NEB: variants seen among roughly 807,000 people sequenced by gnomAD.
NEB encodes the protein nebulin.
Under a neutral mutation model 952.2 loss-of-function variants are expected in NEB, and 512 were observed. The observed-to-expected ratio is 0.54, with a 90% CI of 0.50 to 0.58. The LOEUF (loss-of-function observed/expected upper bound fraction) is 0.58, where lower values mean the gene tolerates loss of function less well. Ranked by LOEUF, NEB falls within the 20% of genes least tolerant of loss-of-function variation. The pLI, the probability that NEB is intolerant of heterozygous loss-of-function variation, is 0.00. For synonymous variants in NEB, 2,900 were observed against 3,149.8 expected (o/e 0.92, Z 2.66); for missense variants, 8,428 against 9,231.1 (o/e 0.91, Z 3.56).
chr2:151,733,199 A>G lies in NEB; in HGVS notation c.-29-14T>C. 1.9e-6 allele frequency: 3 copies of G among 1,542,712 alleles called. No individual in the cohort carries two copies. The highest frequency in any genetic ancestry group is 1.2e-5 in the South Asian group (1 of 84,746). On this transcript the variant is annotated splice_polypyrimidine_tract_variant and intron_variant, in intron 2 of 181. Transcript: ENST00000397345. ...GGCACCTACAAACTTTTCATATTCC[A>G]TACAAATGAAAACATATTAGAGTCT...
At chr2:151,560,777 T>C in intron 123 of NEB, 78 bp from the exon 124 acceptor site, 1 of 1,127,026 alleles carries the variant, frequency 8.9e-7, no homozygotes, top group Non-Finnish European at 1.3e-6. Context: ...TTTCCTTCTG[T>C]GTCTGTCCTT....
Position 151,727,817 on chromosome 2 carries a change from T to A in NEB, c.168A>T (p.Ala56=), listed in dbSNP as rs200297299. The change falls in exon 5 of 182, where the codon GCA becomes GCT. Residue 56 remains alanine (A), a synonymous_variant. Transcript: ENST00000397345. ...GCTTTGCTGATGCTGGCTGTGCCAG[T>A]GCTGGCTGTGCCAGAGCTGGTTTGG... ...ETSKPALAQP[A]LAQPASAKPV... 2.5e-6 allele frequency: 4 copies of A among 1,604,524 alleles called. No individual in the cohort carries two copies. The highest frequency in any genetic ancestry group is 2.2e-5 in the South Asian group (2 of 91,070).
At chr2:151,651,141 T>TCTA (rs1282721260) in intron 52 of NEB, among the ~76,000 whole-genome samples, 8 of 152,174 alleles carry the variant, frequency 5.3e-5, no homozygotes, top group Non-Finnish European at 8.8e-5. Flanking sequence ...AGAAGTGTTG[T>TCTA]CTATGCTAAC....
intron 73 of NEB, 49 bp downstream of exon 73, chr2:151,619,402 C>T (rs76523290): frequency 9.9e-6 from 15 of 1,516,052 alleles, no homozygotes; most frequent in South Asian, 5.2e-5. Context: ...CTCACAGACA[C>T]GTTTCAGATC....
At chr2:151,733,880 A>G (rs2099814858) in intron 1 of NEB, 85 bp from the exon 2 acceptor site, 1 of 152,224 alleles carries the variant, frequency 6.6e-6, no homozygotes, top group Non-Finnish European at 1.5e-5. Context: ...TGCAGAAAAC[A>G]GCGAAAGGAT....
chr2:151,616,765 C>A lies in NEB; in HGVS notation c.11181+599G>T, dbSNP rs767499600. The stretch of plus-strand genomic sequence containing the variant: ...ATATAAAAGACACAGCATCTTAACA[C>A]AAAAGAAGAATAAAAAACAAGGACA... On this transcript the variant is annotated intron_variant, in intron 75 of 181. Coordinates refer to ENST00000397345, the MANE Select transcript of NEB (RefSeq NM_001164508.2). 2.0e-5 allele frequency among the ~76,000 whole-genome samples: 3 copies of A among 152,214 alleles called. No homozygotes were observed. The East Asian group carries it at 5.8e-4, about 29-fold the overall frequency.
chr2:151,677,464 T>C (rs2154209093), intron 34 of NEB, 101 bp downstream of exon 34: 1 of 837,570 alleles, frequency 1.2e-6, no homozygotes, highest in Non-Finnish European at 1.7e-6. Context: ...TAATTTAAAA[T>C]GGAAAGATAT....
At chr2:151,502,737 T>G (rs2065668985) in intron 167 of NEB, 56 bp downstream of exon 167, 5 of 937,504 alleles carry the variant, frequency 5.3e-6, no homozygotes, top group Non-Finnish European at 8.5e-6. Context: ...TTGTAAGGTG[T>G]TATTATTTTA....
chr2:151,521,923 T>C (rs1390773291), intron 153 of NEB, among the ~76,000 whole-genome samples: 1 of 152,122 alleles, frequency 6.6e-6, no homozygotes, highest in Non-Finnish European at 1.5e-5. Context: ...ATGTACCAGG[T>C]TTAGGACTCT....
At chr2:151,687,791 A>G (rs2099514501) in intron 25 of NEB, 58 bp from the exon 26 acceptor site, 1 of 1,466,198 alleles carries the variant, frequency 6.8e-7, no homozygotes, top group African/African-American at 1.4e-5. Context: ...TCCAGTAAAA[A>G]AATAAAAACA....
chr2:151,610,375 A>G, intron 80 of NEB, 141 bp downstream of exon 80: 1 of 734,168 alleles, frequency 1.4e-6, no homozygotes, highest in Admixed American at 2.7e-5. Flanking sequence ...CTCTGTAACA[A>G]CAAAGGGAAT....
intron 11 of NEB, among the ~76,000 whole-genome samples, chr2:151,710,066 T>C (rs934621011): frequency 5.3e-5 from 8 of 152,216 alleles, no homozygotes; most frequent in African/African-American, 1.9e-4. Flanking sequence ...GACTTATGTT[T>C]TCCAGTGAGG....
chr2:151,640,331 GT>G (rs1560842740), intron 61 of NEB, 23 bp downstream of exon 61: 1 of 1,607,412 alleles, frequency 6.2e-7, no homozygotes. Context: ...ACCTCTGCAC[GT>G]TATTATGACT....
intron 18 of NEB, 66 bp from the exon 19 acceptor site, chr2:151,694,695 A>AAATAC: frequency 8.2e-7 from 1 of 1,222,364 alleles, no homozygotes; most frequent in Non-Finnish European, 1.2e-6. Context: ...TTTAAAGACT[A>AAATAC]GTGGGTAACT....
Position 151,508,038 on chromosome 2 carries a change from C to A in NEB, c.23418G>T (p.Gln7806His), listed in dbSNP as rs765789028. ...AGTTCTTTTGGTTCTCCCGGACTCT[C>A]TGTATCTCTGGGGTGTCCAAAACAG... ...YETVLDTPEI[Q>H]RVRENQKNFS... Residue 7806 changes from glutamine to histidine, a missense_variant, in exon 162 of 182, where the codon CAG (glutamine) becomes CAT (histidine). By Grantham distance (24) the Gln-to-His change is conservative. Around this residue, in one of 11 missense-constraint regions of NEB, gnomAD observed 3,374 missense variants for 3,651.5 expected, o/e 0.92. Transcript: ENST00000397345. 8.3e-5 allele frequency: 134 copies of A among 1,610,698 alleles called. No individual in the cohort carries two copies. The Admixed American group carries it at 2.2e-3, about 27-fold the overall frequency.
At chr2:151,493,754 T>A (rs778071855) in intron 175 of NEB, 21 bp downstream of exon 175, 9 of 1,493,308 alleles carry the variant, frequency 6.0e-6, no homozygotes, top group Admixed American at 2.0e-5. Context: ...TTTAAGGATT[T>A]ATTTTTCCTT....
In NEB at chr2:151,671,165, A is replaced by G. The variant is rs758473230; in HGVS notation, c.4364T>C (p.Leu1455Pro). Residue 1455 changes from leucine to proline, a missense_variant, in exon 38 of 182, where the codon CTG becomes CCG. Physicochemically the swap from Leu to Pro is moderately conservative, Grantham distance 98 (BLOSUM62 -3). Coordinates refer to ENST00000397345, the MANE Select transcript of NEB (RefSeq NM_001164508.2). Reference protein sequence around the residue: ...KGIGWIPIGSLEVEKVKKAGD... With the variant: ...KGIGWIPIGSPEVEKVKKAGD... ...TGCTTTCTTGACCTTCTCCACCTCC[A>G]GGGAACCAATAGGGATCCATCCGAT... 6.2e-7 allele frequency: 1 copy of G among 1,613,972 alleles called. No homozygotes were observed. The highest frequency in any genetic ancestry group is 8.5e-7 in the Non-Finnish European group (1 of 1,179,868).
chr2:151,629,868 T>A (rs1351639961), intron 67 of NEB, among the ~76,000 whole-genome samples: 1 of 152,096 alleles, frequency 6.6e-6, no homozygotes, highest in Non-Finnish European at 1.5e-5. Context: ...TAGTGATATA[T>A]TAACCTATTA....
intron 13 of NEB, among the ~76,000 whole-genome samples, chr2:151,698,316 G>C (rs990449976): frequency 6.6e-6 from 1 of 151,900 alleles, no homozygotes; most frequent in African/African-American, 2.4e-5. Context: ...TTACAGAGTT[G>C]TGCAACTGTC....
Sources: gnomAD v4.1 joint callset for allele counts (sites outside exome capture counted in the v4.1 genomes callset) on GRCh38, gnomAD v4.1.1 for gene constraint, gnomAD v4.1.1 regional missense constraint, MANE v1.5 for transcripts, NCBI Gene and HGNC (gene_info 2026-07-23, HGNC 2026-07-21) for gene names.